RAB6A: variants seen among roughly 807,000 people sequenced by gnomAD.
RAB6A encodes the protein ras-related protein Rab-6A.
Under a neutral mutation model 32.3 loss-of-function variants are expected in RAB6A, and 8 were observed. The observed-to-expected ratio is 0.25, with a 90% confidence interval of 0.15 to 0.45. The LOEUF is 0.45. Among genes scored for constraint, RAB6A ranks in the 20% least tolerant of loss-of-function variants. RAB6A has a pLI of 1.00. For missense variants in RAB6A, 104 were observed against 249.4 expected, an observed-to-expected ratio of 0.42 and a Z score of 3.93; for synonymous variants, 73 against 82.1, an observed-to-expected ratio of 0.89 and a Z score of 0.60.
chr11:73,726,783 A>C (rs944149214), intron 2 of RAB6A, among the ~76,000 whole-genome samples: 1 of 151,432 alleles, frequency 6.6e-6, no homozygotes, highest in Admixed American at 6.6e-5. Context: ...AATTATTTTT[A>C]AAAAATGAAA....
intron 1 of RAB6A, chr11:73,760,159 C>A: frequency 8.1e-7 from 1 of 1,232,106 alleles, no homozygotes; most frequent in Non-Finnish European, 1.1e-6. Context: ...TGGGGCTTCC[C>A]TGAGTGGGCC....
chr11:73,736,302 AC>A (rs1246183260), intron 1 of RAB6A, among the ~76,000 whole-genome samples: 1 of 151,574 alleles, frequency 6.6e-6, no homozygotes, highest in Non-Finnish European at 1.5e-5. Context: ...GGTGGCAGAG[AC>A]CCACAATCTG....
intron 1 of RAB6A, among the ~76,000 whole-genome samples, chr11:73,749,538 A>C (rs1372925094): frequency 6.6e-6 from 1 of 152,186 alleles, no homozygotes; most frequent in Admixed American, 6.5e-5. Flanking sequence ...ATACAACTTA[A>C]TGACAATTTA....
At chr11:73,709,064 C>A in intron 5 of RAB6A, among the ~76,000 whole-genome samples, 1 of 152,134 alleles carries the variant, frequency 6.6e-6, no homozygotes, top group African/African-American at 2.4e-5. Context: ...TGAGAGTAAA[C>A]CGCCAATCTG....
rs139836217 is a variant in RAB6A at position 73,747,870 on chromosome 11, T to C, written c.70+12696A>G. On this transcript the variant is annotated intron_variant, in intron 1 of 7. Transcript: ENST00000336083. ...AAAACTACCACAGAACTGATGTGCCTTTCTCAGTGCATTATAACAGAGGAT... is the reference window on the plus strand; with the variant it reads ...AAAACTACCACAGAACTGATGTGCCCTTCTCAGTGCATTATAACAGAGGAT... Among the ~76,000 whole-genome samples the C allele has an allele frequency of 5.8e-4, 88 of 152,354 alleles. 1 individual carries two copies. The East Asian group carries it at 0.014, about 24-fold the overall frequency.
chr11:73,710,407 C>G (rs964949911), intron 5 of RAB6A, among the ~76,000 whole-genome samples: 1 of 151,858 alleles, frequency 6.6e-6, no homozygotes, highest in Non-Finnish European at 1.5e-5. Context: ...TTTGAAATAA[C>G]AATATCCAAC....
intron 6 of RAB6A, among the ~76,000 whole-genome samples, chr11:73,680,616 C>A (rs1156667950): frequency 2.0e-5 from 3 of 151,434 alleles, no homozygotes; most frequent in African/African-American, 4.9e-5. Flanking sequence ...CACGCCACTG[C>A]ATTCCAGCCT....
rs1258043614 is a variant in RAB6A, at chr11:73,676,544, T to C, written c.*1354A>G. 2 of 164,510 alleles carry C rather than the reference T, an allele frequency of 1.2e-5. No individual in the cohort carries two copies. Among genetic ancestry groups the C allele is most frequent in the East Asian group, 3.9e-4 (2 of 5,152 alleles). 10.2% of individuals were successfully genotyped at this position (164,510 alleles called of 1,614,324 possible). On this transcript the variant is annotated 3_prime_UTR_variant, in exon 8 of 8. Transcript: ENST00000336083. ...GAAAAAAGATTAATTGTAGCTTAAA[T>C]ATAAAACTAAATCACCAGTTAATTA...
intron 2 of RAB6A, chr11:73,722,326 T>C (rs1355635578): frequency 2.9e-4 from 3 of 10,468 alleles, no homozygotes; most frequent in Non-Finnish European, 6.2e-4. Context: ...TATATATATA[T>C]ATATATATAT....
At chr11:73,698,968 C>G (rs1945698677) in intron 6 of RAB6A, among the ~76,000 whole-genome samples, 1 of 151,040 alleles carries the variant, frequency 6.6e-6, no homozygotes, top group Non-Finnish European at 1.5e-5. Context: ...TCTCCTGCCT[C>G]AGCCTTCCCA....
chr11:73,740,280 A>G (rs1946474778), intron 1 of RAB6A, among the ~76,000 whole-genome samples: 1 of 152,176 alleles, frequency 6.6e-6, no homozygotes, highest in Admixed American at 6.6e-5. Flanking sequence ...CTATGATTGT[A>G]GTAACAAAGC....
intron 1 of RAB6A, among the ~76,000 whole-genome samples, chr11:73,755,583 G>A (rs1209136829): frequency 1.3e-5 from 2 of 152,090 alleles, no homozygotes; most frequent in African/African-American, 2.4e-5. Flanking sequence ...GTGAGCCACC[G>A]CACCCGGCCT....
intron 1 of RAB6A, among the ~76,000 whole-genome samples, chr11:73,736,809 G>GGA (rs1946401643): frequency 3.7e-5 from 4 of 108,770 alleles, no homozygotes; most frequent in Non-Finnish European, 6.8e-5. Context: ...AAAAAAAAAA[G>GGA]AAAAAAAAAA....
In RAB6A at chr11:73,677,752, C is replaced by A; in HGVS notation, c.*146G>T. 6.7e-7 allele frequency: 1 copy of A among 1,502,636 alleles called. No homozygotes were observed. The highest frequency in any genetic ancestry group is 1.3e-5 in the South Asian group (1 of 77,036). 93.1% of individuals were successfully genotyped at this position (1,502,636 alleles called of 1,614,324 possible). On this transcript the variant is annotated 3_prime_UTR_variant, in exon 8 of 8. Transcript: ENST00000336083. ...TGTGCTTGTGAAGCTAATAGATCAT[C>A]TCCACGAGACAGGCAGCAATGATGA...
rs1945268778 is a variant in RAB6A at position 73,676,300 on chromosome 11, C to T, written c.*1598G>A. The stretch of plus-strand genomic sequence containing the variant: ...TCCTGAGCTGTAACTCAGAAGTTTT[C>T]GTCCTGCAAACAATGTATTTACAAA... On this transcript the variant is annotated 3_prime_UTR_variant, in exon 8 of 8. Transcript: ENST00000336083. 6.0e-6 allele frequency: 1 copy of T among 167,074 alleles called. No homozygotes were observed. The highest frequency in any genetic ancestry group is 2.4e-5 in the African/African-American group (1 of 41,442). 10.3% of individuals were successfully genotyped at this position (167,074 alleles called of 1,614,324 possible). A position where few individuals can be genotyped will look rare whatever the true frequency, so the allele number is the denominator to read the frequency against.
At chr11:73,757,130 T>TATATATATATATATATATA (rs57416985) in intron 1 of RAB6A, among the ~76,000 whole-genome samples, 1 of 29,604 alleles carries the variant, frequency 3.4e-5, no homozygotes, top group African/African-American at 1.8e-4. Context: ...TATATATATA[T>TATATATATATATATATATA]TTTTTTTTTT....
At chr11:73,759,949 C>A in intron 1 of RAB6A, 1 of 1,133,632 alleles carries the variant, frequency 8.8e-7, no homozygotes, top group South Asian at 1.3e-5. Flanking sequence ...CCACCCCATG[C>A]TCAAGTCGTC....
At chr11:73,679,006 A>C (rs941578971) in intron 7 of RAB6A, among the ~76,000 whole-genome samples, 7 of 152,108 alleles carry the variant, frequency 4.6e-5, no homozygotes, top group African/African-American at 1.7e-4. Context: ...GATTACAGGC[A>C]TAAGCCACCG....
chr11:73,684,450 T>G (rs1217519480), intron 6 of RAB6A, among the ~76,000 whole-genome samples: 3 of 152,248 alleles, frequency 2.0e-5, no homozygotes, highest in African/African-American at 7.2e-5. Flanking sequence ...ATTACAGGCA[T>G]GAGCCACCAC....
Sources: gnomAD v4.1 joint callset for allele counts (sites outside exome capture counted in the v4.1 genomes callset) on GRCh38, gnomAD v4.1.1 for gene constraint, MANE v1.5 for transcripts, NCBI Gene and HGNC (gene_info 2026-07-23, HGNC 2026-07-21) for gene names.